KALRN: variants seen among roughly 807,000 people sequenced by gnomAD.
KALRN encodes kalirin.
A neutral mutation model predicts 353.7 loss-of-function variants in KALRN; 70 were observed. The ratio of observed to expected loss-of-function variants is 0.20; its 90% CI spans 0.16 to 0.24. KALRN has a LOEUF of 0.24. Among genes scored for constraint, KALRN ranks in the 10% least tolerant of loss-of-function variants. The pLI, the probability that KALRN is intolerant of heterozygous loss-of-function variation, is 1.00. For missense variants in KALRN, 2,791 were observed against 3,756.7 expected (o/e 0.74, Z 6.72); for synonymous variants, 1,391 against 1,434.8 (o/e 0.97, Z 0.69).
intron 2 of KALRN, among the ~76,000 whole-genome samples, chr3:124,233,713 C>T (rs1175533171): frequency 6.6e-6 from 1 of 152,156 alleles, no homozygotes; most frequent in Non-Finnish European, 1.5e-5. Flanking sequence ...GGAGACTCTG[C>T]CCTCTGTGTA....
chr3:124,682,176 G>C (rs2061370135), intron 51 of KALRN, among the ~76,000 whole-genome samples: 1 of 152,222 alleles, frequency 6.6e-6, no homozygotes, highest in African/African-American at 2.4e-5. Context: ...ACTGAAGAGA[G>C]AGGCTATACC....
chr3:124,099,207 C>T lies in KALRN; in HGVS notation c.73+65394C>T, dbSNP rs187137089. Among the ~76,000 whole-genome samples, 435 of 152,298 alleles carry T rather than the reference C, an allele frequency of 2.9e-3. 1 individual carries two copies. The highest frequency in any genetic ancestry group is 5.2e-3 in the Non-Finnish European group (355 of 68,020). On this transcript the variant is annotated intron_variant, in intron 1 of 59. Transcript: ENST00000682506. ...CTGTGCTATCAAACCCTAGAACTTA[C>T]TCTTTCTGTCTATATGTTTGTACCC... is the stretch of plus-strand genomic sequence containing the variant.
chr3:124,269,657 A>C (rs1449282163), intron 5 of KALRN, among the ~76,000 whole-genome samples: 1 of 152,208 alleles, frequency 6.6e-6, no homozygotes, highest in Non-Finnish European at 1.5e-5. Context: ...GCTAAGGAAC[A>C]AAAACAGTAC....
chr3:124,529,533 T>C (rs534383851), intron 33 of KALRN, among the ~76,000 whole-genome samples: 3 of 152,074 alleles, frequency 2.0e-5, no homozygotes, highest in African/African-American at 4.8e-5. Flanking sequence ...TAGCAAATTA[T>C]AGCGTTGGAG....
rs1171052606 is a variant in KALRN, at chr3:124,725,843, G to A, written c.*6373G>A. ...CCCCCTCAAGTCTTTTGAGAATTTGGAGTGGGCTTCACTGGCCATTCAGAC... is the reference window on the plus strand; with the variant it reads ...CCCCCTCAAGTCTTTTGAGAATTTGAAGTGGGCTTCACTGGCCATTCAGAC... On this transcript the variant is annotated 3_prime_UTR_variant, in exon 60 of 60. Coordinates refer to ENST00000682506, the MANE Select transcript of KALRN (RefSeq NM_001388419.1). 4 of 152,178 alleles carry A rather than the reference G, an allele frequency of 2.6e-5. No individual in the cohort carries two copies. The highest frequency in any genetic ancestry group is 9.7e-5 in the African/African-American group (4 of 41,430). 9.4% of individuals were successfully genotyped at this position (152,178 alleles called of 1,614,324 possible).
intron 34 of KALRN, among the ~76,000 whole-genome samples, chr3:124,618,182 C>T (rs1254423988): frequency 3.5e-5 from 5 of 143,654 alleles, no homozygotes; most frequent in African/African-American, 1.3e-4. Context: ...GATCTCGGCT[C>T]ACTGCAAGCT....
At chr3:124,288,775 A>T (rs2076169097) in intron 5 of KALRN, among the ~76,000 whole-genome samples, 1 of 152,140 alleles carries the variant, frequency 6.6e-6, no homozygotes, top group Admixed American at 6.5e-5. Context: ...GGGCTGAGGG[A>T]TGAGTAGCAG....
At chr3:124,207,367 C>T (rs2076504941) in intron 1 of KALRN, among the ~76,000 whole-genome samples, 1 of 152,192 alleles carries the variant, frequency 6.6e-6, no homozygotes, top group South Asian at 2.1e-4. Context: ...AATTATAGGG[C>T]TCAGCAGGAA....
At chr3:124,359,107 A>G (rs113399780) in intron 10 of KALRN, among the ~76,000 whole-genome samples, 8 of 152,114 alleles carry the variant, frequency 5.3e-5, no homozygotes, top group African/African-American at 1.9e-4. Context: ...TCATCAGACT[A>G]TCATGAAGGG....
intron 6 of KALRN, among the ~76,000 whole-genome samples, chr3:124,311,168 C>A (rs1376609353): frequency 3.0e-5 from 4 of 131,358 alleles, no homozygotes; most frequent in African/African-American, 1.1e-4. Context: ...TGGCTATAAT[C>A]AAAAACTCTG....
chr3:124,372,158 G>A (rs916684461), intron 10 of KALRN, among the ~76,000 whole-genome samples: 1 of 151,978 alleles, frequency 6.6e-6, no homozygotes, highest in Non-Finnish European at 1.5e-5. Flanking sequence ...CTACTCTATT[G>A]TACATATGTA....
intron 9 of KALRN, among the ~76,000 whole-genome samples, chr3:124,338,484 G>A (rs2081357818): frequency 6.6e-6 from 1 of 152,172 alleles, no homozygotes; most frequent in African/African-American, 2.4e-5. Flanking sequence ...AATTTGATTG[G>A]ACTGTTGTCT....
chr3:124,503,734 A>C (rs1188574680), intron 33 of KALRN, among the ~76,000 whole-genome samples: 1 of 152,204 alleles, frequency 6.6e-6, no homozygotes, highest in Non-Finnish European at 1.5e-5. Flanking sequence ...GAACAAGTTG[A>C]TAAAGTGTGA....
At chr3:124,672,221 T>C (rs547109242) in intron 48 of KALRN, among the ~76,000 whole-genome samples, 1 of 152,332 alleles carries the variant, frequency 6.6e-6, no homozygotes, top group African/African-American at 2.4e-5. Context: ...GTGCTGGGAT[T>C]ACAGGTGTGA....
chr3:124,209,625 G>A (rs971801405), intron 1 of KALRN, among the ~76,000 whole-genome samples: 7 of 151,888 alleles, frequency 4.6e-5, no homozygotes, highest in Non-Finnish European at 7.4e-5. Flanking sequence ...TTGCCTATGT[G>A]GTTTTAGAGA....
At chr3:124,205,926 G>A (rs1031844128) in intron 1 of KALRN, among the ~76,000 whole-genome samples, 5 of 152,148 alleles carry the variant, frequency 3.3e-5, no homozygotes, top group South Asian at 2.1e-4. Context: ...TTCTCCTGCC[G>A]TTTTTGTACC....
At chr3:124,493,482 C>A (rs1054402675) in intron 32 of KALRN, among the ~76,000 whole-genome samples, 6 of 152,278 alleles carry the variant, frequency 3.9e-5, no homozygotes, top group African/African-American at 2.4e-5. Flanking sequence ...TTAAGTATTT[C>A]TTTCCCAAGT....
At chr3:124,617,446 A>G (rs2078739135) in intron 34 of KALRN, among the ~76,000 whole-genome samples, 1 of 152,238 alleles carries the variant, frequency 6.6e-6, no homozygotes, top group Non-Finnish European at 1.5e-5. Flanking sequence ...AGTGCCAAAC[A>G]AATAGCACAA....
In KALRN at chr3:124,477,673, G is replaced by A. The variant is rs142895891; in HGVS notation, c.4191+339G>A. On this transcript the variant is annotated intron_variant, in intron 27 of 59. Transcript: ENST00000682506. The stretch of plus-strand genomic sequence containing the variant: ...TGCTTCATATACAGCTCTCACAAAT[G>A]TAGTGTTTCCGAAAGTGTGATCCTT... Among the ~76,000 whole-genome samples the A allele has an allele frequency of 7.2e-5, 11 of 152,272 alleles. No individual in the cohort carries two copies. The East Asian group carries it at 2.1e-3, about 29-fold the overall frequency.
Sources: gnomAD v4.1 joint callset for allele counts (sites outside exome capture counted in the v4.1 genomes callset) on GRCh38, gnomAD v4.1.1 for gene constraint, MANE v1.5 for transcripts, NCBI Gene and HGNC (gene_info 2026-07-23, HGNC 2026-07-21) for gene names.